Variants in ITPR2 observed in about 807,000 individuals in gnomAD.
The protein encoded by ITPR2 is inositol 1,4,5-trisphosphate receptor type 2.
In ITPR2, 207 loss-of-function variants were observed where a neutral mutation model predicts 317.1. The ratio of observed to expected loss-of-function variants is 0.65; its 90% CI spans 0.58 to 0.73. The LOEUF (loss-of-function observed/expected upper bound fraction) is 0.73, where lower values mean the gene tolerates loss of function less well. Ranked by LOEUF, ITPR2 falls within the 30% of genes least tolerant of loss-of-function variation. The pLI is 0.00. For missense variants in ITPR2, 2,613 were observed against 3,284.0 expected (o/e 0.80, Z 4.99); for synonymous variants, 1,156 against 1,149.1 (o/e 1.01, Z -0.12).
At chr12:26,561,496 C>T (rs1438844505) in intron 35 of ITPR2, among the ~76,000 whole-genome samples, 7 of 152,042 alleles carry the variant, frequency 4.6e-5, no homozygotes, top group Admixed American at 4.6e-4. Context: ...GTTATCATTG[C>T]TATTATGATC....
chr12:26,422,732 T>C (rs1458487631), intron 49 of ITPR2, among the ~76,000 whole-genome samples: 1 of 152,220 alleles, frequency 6.6e-6, no homozygotes, highest in African/African-American at 2.4e-5. Context: ...TCAAGAATTC[T>C]ATCCCCATCT....
intron 2 of ITPR2, among the ~76,000 whole-genome samples, chr12:26,729,475 A>G (rs1395715014): frequency 1.3e-5 from 2 of 152,210 alleles, no homozygotes; most frequent in African/African-American, 2.4e-5. Flanking sequence ...AGGAATATAA[A>G]TCATTCTGTT....
chr12:26,618,789 A>G (rs531545353), intron 26 of ITPR2, among the ~76,000 whole-genome samples: 4 of 152,376 alleles, frequency 2.6e-5, no homozygotes, highest in African/African-American at 9.6e-5. Flanking sequence ...AACTGGATAA[A>G]CATGTGCATA....
At chr12:26,768,456 T>TA (rs141419329) in intron 2 of ITPR2, among the ~76,000 whole-genome samples, 46,213 of 106,208 alleles carry the variant, frequency 0.44, 10,819 homozygotes, top group Non-Finnish European at 0.58. Context: ...AAATAAAAAA[T>TA]AAAAAAATAA....
At chr12:26,691,662 G>A (rs1948242817) in intron 10 of ITPR2, among the ~76,000 whole-genome samples, 1 of 152,192 alleles carries the variant, frequency 6.6e-6, no homozygotes, top group South Asian at 2.1e-4. Flanking sequence ...GGGGCCTGCA[G>A]GCATCCGCAC....
chr12:26,647,674 A>G (rs1947144452), intron 21 of ITPR2, among the ~76,000 whole-genome samples: 1 of 152,222 alleles, frequency 6.6e-6, no homozygotes, highest in Non-Finnish European at 1.5e-5. Flanking sequence ...AATCACTGAG[A>G]GCAAATCGTA....
chr12:26,753,006 C>G lies in ITPR2; in HGVS notation c.164-27241G>C, dbSNP rs993338097. Among the ~76,000 whole-genome samples, 7 of 152,126 alleles carry G rather than the reference C, an allele frequency of 4.6e-5. No homozygotes were observed. In the South Asian group the frequency reaches 6.2e-4, roughly 14 times the overall value. On this transcript the variant is annotated intron_variant, in intron 2 of 56. Transcript: ENST00000381340. ...AATGGATGATACTGAGGTGACCCCCCACCCAAAGGAAATAGACTGCAGCAC... is the reference window on the plus strand; with the variant it reads ...AATGGATGATACTGAGGTGACCCCCGACCCAAAGGAAATAGACTGCAGCAC...
chr12:26,721,620 T>C (rs932969791), intron 5 of ITPR2, among the ~76,000 whole-genome samples: 1 of 152,186 alleles, frequency 6.6e-6, no homozygotes, highest in Non-Finnish European at 1.5e-5. Flanking sequence ...GTCCATGTGC[T>C]AAGGACTATC....
chr12:26,620,019 G>T (rs938792668), intron 26 of ITPR2, among the ~76,000 whole-genome samples: 2 of 152,126 alleles, frequency 1.3e-5, no homozygotes, highest in African/African-American at 4.8e-5. Flanking sequence ...CCTACACATT[G>T]TCCTTCCTAT....
intron 54 of ITPR2, among the ~76,000 whole-genome samples, chr12:26,391,531 G>GCTT (rs1161918290): frequency 1.7e-4 from 24 of 137,694 alleles, no homozygotes; most frequent in African/African-American, 2.7e-4. Flanking sequence ...TATTCTGAAA[G>GCTT]CTTCTTCTTC....
chr12:26,423,601 C>T (rs1052034602), intron 49 of ITPR2, among the ~76,000 whole-genome samples: 5 of 152,068 alleles, frequency 3.3e-5, no homozygotes, highest in African/African-American at 1.2e-4. Flanking sequence ...GGTTATAACG[C>T]CCATATGACT....
At chr12:26,475,939 A>G (rs1475490537) in intron 44 of ITPR2, among the ~76,000 whole-genome samples, 1 of 152,202 alleles carries the variant, frequency 6.6e-6, no homozygotes, top group South Asian at 2.1e-4. Flanking sequence ...GTGGGCCACA[A>G]GGAGGAAGGG....
chr12:26,398,125 TA>T (rs1172888350), intron 54 of ITPR2, among the ~76,000 whole-genome samples: 2 of 142,786 alleles, frequency 1.4e-5, no homozygotes, highest in Admixed American at 1.4e-4. Flanking sequence ...AGAGAGAAAT[TA>T]AAAACTGAGA....
chr12:26,409,836 C>T (rs927499013), intron 52 of ITPR2, among the ~76,000 whole-genome samples: 14 of 152,112 alleles, frequency 9.2e-5, no homozygotes, highest in African/African-American at 3.4e-4. Context: ...CGGGCAAAGA[C>T]CTCCTGTCTA....
intron 45 of ITPR2, among the ~76,000 whole-genome samples, chr12:26,455,031 T>C (rs1367829825): frequency 6.6e-6 from 1 of 152,074 alleles, no homozygotes; most frequent in Non-Finnish European, 1.5e-5. Context: ...TTTCTCATAG[T>C]CTTGACAAAG....
intron 26 of ITPR2, among the ~76,000 whole-genome samples, chr12:26,604,300 C>T (rs1946071425): frequency 6.6e-6 from 1 of 152,190 alleles, no homozygotes; most frequent in Non-Finnish European, 1.5e-5. Context: ...GTCTCAACTT[C>T]ACTTTAACAA....
chr12:26,491,324 A>C (rs572755880), intron 39 of ITPR2, among the ~76,000 whole-genome samples: 5 of 151,894 alleles, frequency 3.3e-5, no homozygotes, highest in African/African-American at 1.2e-4. Flanking sequence ...TCTACTAAAA[A>C]TACAAAAAAT....
intron 54 of ITPR2, 139 bp from the exon 55 acceptor site, chr12:26,387,733 A>G: frequency 2.7e-6 from 2 of 733,366 alleles, no homozygotes; most frequent in Non-Finnish European, 4.4e-6. Context: ...GCTATGATTA[A>G]AAACAACACA....
chr12:26,772,518 CATTATTAT>C (rs1309338328), intron 2 of ITPR2, among the ~76,000 whole-genome samples: 2 of 75,556 alleles, frequency 2.6e-5, no homozygotes, highest in Non-Finnish European at 6.7e-5. Flanking sequence ...ATATATAATA[CATTATTAT>C]ATATAATACA....
Sources: allele counts gnomAD v4.1 joint callset (sites outside exome capture counted in the v4.1 genomes callset), GRCh38; gene constraint gnomAD v4.1.1; transcripts MANE v1.5; gene names NCBI Gene and HGNC (gene_info 2026-07-23, HGNC 2026-07-21).